RYR2: variants seen among roughly 807,000 people sequenced by gnomAD.
The protein encoded by RYR2 is cardiac muscle ryanodine receptor-calcium release channel.
Under a neutral mutation model 601.1 loss-of-function variants are expected in RYR2, and 227 were observed. The ratio of observed to expected loss-of-function variants is 0.38; its 90% CI spans 0.34 to 0.42. The LOEUF is 0.42. Ranked by LOEUF, RYR2 falls within the 10% of genes least tolerant of loss-of-function variation. The pLI, the probability that RYR2 is intolerant of heterozygous loss-of-function variation, is 1.00. For synonymous variants in RYR2, 2,223 were observed against 2,175.1 expected, an observed-to-expected ratio of 1.02 and a Z score of -0.61; for missense variants, 4,646 against 6,156.5, an observed-to-expected ratio of 0.75 and a Z score of 8.21.
intron 6 of RYR2, among the ~76,000 whole-genome samples, chr1:237,374,359 GAA>G (rs1219699684): frequency 5.7e-5 from 8 of 140,852 alleles, no homozygotes; most frequent in South Asian, 2.3e-4. Context: ...CATCTCTATG[GAA>G]AAAAAAAAAA....
intron 1 of RYR2, among the ~76,000 whole-genome samples, chr1:237,089,001 G>A (rs1666661105): frequency 6.6e-6 from 1 of 152,124 alleles, no homozygotes; most frequent in Non-Finnish European, 1.5e-5. Context: ...AACCCACATG[G>A]GTCCCATAGA....
intron 26 of RYR2, among the ~76,000 whole-genome samples, chr1:237,550,169 A>C (rs1670241145): frequency 6.6e-6 from 1 of 152,192 alleles, no homozygotes; most frequent in Non-Finnish European, 1.5e-5. Flanking sequence ...CTGAGGGAGA[A>C]CCAGCACTAA....
chr1:237,565,175 CTT>C lies in RYR2; in HGVS notation c.3215-1390_3215-1389del, dbSNP rs57381947. ...TTTCTTTCTCTTTCTTTCTTTCTTT[CTT>C]TCTTTCTTTCTTTCTTTCTTTCTTT... On this transcript the variant is annotated intron_variant, in intron 27 of 104. Transcript: ENST00000366574. Among the ~76,000 whole-genome samples, 212 of 97,242 alleles carry C rather than the reference CTT, an allele frequency of 2.2e-3. 2 individuals are homozygous for C. Among genetic ancestry groups the C allele is most frequent in the African/African-American group, 6.5e-3 (166 of 25,352 alleles). 63.8% of individuals were successfully genotyped at this position (97,242 alleles called of 152,430 possible). A position where few individuals can be genotyped will look rare whatever the true frequency, so the allele number is the denominator to read the frequency against.
chr1:237,742,344 T>G lies in RYR2; in HGVS notation c.11140T>G (p.Phe3714Val), dbSNP rs794728771. 4 of 1,571,884 alleles carry G rather than the reference T, an allele frequency of 2.5e-6. No individual in the cohort carries two copies. The highest frequency in any genetic ancestry group is 3.5e-6 in the Non-Finnish European group (4 of 1,154,030). The change falls in exon 80 of 105, where the codon TTT becomes GTT. Residue 3714 changes from phenylalanine to valine, a missense_variant. Around this residue, in one of 17 missense-constraint regions of RYR2, gnomAD observed 1,497 missense variants for 1,842.6 expected, o/e 0.81. Transcript: ENST00000366574. ...CGATGGTGAAGAGGAAGTGAAGAGT[T>G]TTGAAGTAAGATGGATCTTTCTGGA... ...DDDGEEEVKSFEEKEMEKQKL... is the reference protein window; with the variant it reads ...DDDGEEEVKSVEEKEMEKQKL...
intron 8 of RYR2, among the ~76,000 whole-genome samples, chr1:237,383,574 T>C (rs1053276194): frequency 7.9e-5 from 12 of 151,656 alleles, no homozygotes; most frequent in African/African-American, 2.4e-4. Context: ...GGACTGTAGG[T>C]GCCTGCCACC....
chr1:237,227,986 T>C (rs955638231), intron 1 of RYR2, among the ~76,000 whole-genome samples: 3 of 151,666 alleles, frequency 2.0e-5, no homozygotes, highest in African/African-American at 7.3e-5. Context: ...TTATTTTTGA[T>C]TTCCATAGGT....
Position 237,640,923 on chromosome 1 carries a change from C to G in RYR2, c.7142C>G (p.Thr2381Ser), listed in dbSNP as rs1681400593. ...GACACAGAGGAGGAGGAAGATGACACTATCCACATGGGGAACGCGATCATG... is the reference window on the plus strand; with the variant it reads ...GACACAGAGGAGGAGGAAGATGACAGTATCCACATGGGGAACGCGATCATG... ...TLDTEEEEDD[T>S]IHMGNAIMTF... Residue 2381 changes from threonine (T) to serine (S), a missense_variant, in exon 47 of 105, where the codon ACT (threonine) becomes AGT (serine). This residue lies in a region of RYR2 where 1,497 missense variants were observed against 1,842.6 expected (regional missense o/e 0.81). Transcript: ENST00000366574. 1 of 1,613,408 alleles carries G rather than the reference C, an allele frequency of 6.2e-7. No homozygotes were observed. Among genetic ancestry groups the G allele is most frequent in the African/African-American group, 1.3e-5 (1 of 74,936 alleles).
chr1:237,768,728 C>T (rs977001444), intron 84 of RYR2, among the ~76,000 whole-genome samples: 3 of 152,182 alleles, frequency 2.0e-5, no homozygotes, highest in Non-Finnish European at 4.4e-5. Flanking sequence ...ATCTCTGTTA[C>T]TCTACCACTT....
intron 1 of RYR2, among the ~76,000 whole-genome samples, chr1:237,142,990 G>A (rs1371282181): frequency 1.3e-5 from 2 of 152,040 alleles, no homozygotes; most frequent in African/African-American, 2.4e-5. Context: ...ACTATCGTTC[G>A]AACACCTTCT....
intron 1 of RYR2, among the ~76,000 whole-genome samples, chr1:237,251,896 C>T (rs563406920): frequency 6.6e-6 from 1 of 152,260 alleles, no homozygotes; most frequent in East Asian, 1.9e-4. Flanking sequence ...GTTGTTCAGA[C>T]CTAAACCCTT....
At chr1:237,264,802 TCTC>T in intron 1 of RYR2, among the ~76,000 whole-genome samples, 1 of 151,910 alleles carries the variant, frequency 6.6e-6, no homozygotes, top group South Asian at 2.1e-4. Flanking sequence ...TTCAAGCAAT[TCTC>T]CTGCCTCAGC....
intron 27 of RYR2, among the ~76,000 whole-genome samples, chr1:237,566,142 G>A (rs760155548): frequency 5.9e-5 from 9 of 151,766 alleles, no homozygotes; most frequent in African/African-American, 1.7e-4. Flanking sequence ...TCCTTGCTTC[G>A]TCTTCCCTCT....
intron 98 of RYR2, among the ~76,000 whole-genome samples, chr1:237,805,832 A>G (rs1488193741): frequency 6.6e-6 from 1 of 152,012 alleles, no homozygotes; most frequent in Admixed American, 6.6e-5. Context: ...TTGAAACTAT[A>G]TATTATTGTG....
At chr1:237,831,646 CAGTG>C in intron 104 of RYR2, 81 bp downstream of exon 104, 1 of 791,636 alleles carries the variant, frequency 1.3e-6, no homozygotes, top group East Asian at 2.5e-5. Flanking sequence ...GTGCATTAAA[CAGTG>C]AGGCACGGAA....
chr1:237,103,625 A>G (rs1223946540), intron 1 of RYR2, among the ~76,000 whole-genome samples: 4 of 152,102 alleles, frequency 2.6e-5, no homozygotes, highest in African/African-American at 9.7e-5. Context: ...CTGGAGTGCA[A>G]TGCCATGATC....
chr1:237,717,125 T>A, intron 71 of RYR2, 73 bp from the exon 72 acceptor site: 1 of 1,347,760 alleles, frequency 7.4e-7, no homozygotes, highest in Non-Finnish European at 1.0e-6. Flanking sequence ...AGTGACAAGT[T>A]AGGGAAGAGT....
chr1:237,729,011 A>G (rs1347817139), intron 76 of RYR2, among the ~76,000 whole-genome samples: 1 of 152,020 alleles, frequency 6.6e-6, no homozygotes, highest in African/African-American at 2.4e-5. Flanking sequence ...GGTTACTCCT[A>G]TACTGTCATT....
At chr1:237,053,713 T>C (rs1436946617) in intron 1 of RYR2, among the ~76,000 whole-genome samples, 1 of 152,156 alleles carries the variant, frequency 6.6e-6, no homozygotes, top group African/African-American at 2.4e-5. Context: ...TCTGTCTCTA[T>C]GGGTGGGATA....
chr1:237,628,307 T>C (rs1679890007), intron 41 of RYR2, among the ~76,000 whole-genome samples: 1 of 152,000 alleles, frequency 6.6e-6, no homozygotes, highest in Non-Finnish European at 1.5e-5. Flanking sequence ...GCCATGCTGG[T>C]GCGCTGCACC....
Sources: allele counts gnomAD v4.1 joint callset (sites outside exome capture counted in the v4.1 genomes callset), GRCh38; gene constraint gnomAD v4.1.1; regional missense constraint gnomAD v4.1.1; transcripts MANE v1.5; gene names NCBI Gene and HGNC (gene_info 2026-07-23, HGNC 2026-07-21).